Variants in SRP72 observed in about 807,000 individuals in gnomAD.
SRP72 encodes the protein signal recognition particle subunit SRP72.
Under a neutral mutation model 96.3 loss-of-function variants are expected in SRP72, and 49 were observed. The observed-to-expected ratio is 0.51, with a 90% CI of 0.40 to 0.65. SRP72 has a LOEUF of 0.65. SRP72 is among the 30% of genes least tolerant of loss of function. SRP72 has a pLI of 0.00. For synonymous variants in SRP72, 267 were observed against 275.2 expected, an observed-to-expected ratio of 0.97 and a Z score of 0.30; for missense variants, 736 against 793.3, an observed-to-expected ratio of 0.93 and a Z score of 0.87.
At chr4:56,476,942 T>C in intron 6 of SRP72, 1 of 456,170 alleles carries the variant, frequency 2.2e-6, no homozygotes, top group Non-Finnish European at 3.8e-6. Context: ...ATAATGTAAA[T>C]TTATTCCCCC....
rs1209831144 is a variant in SRP72 at position 56,478,621 on chromosome 4, T to C, written c.797T>C (p.Ile266Thr). 1.9e-6 allele frequency: 3 copies of C among 1,614,044 alleles called. No homozygotes were observed. The Admixed American group carries it at 5.0e-5, about 27-fold the overall frequency. Residue 266 changes from isoleucine to threonine, a missense_variant, in exon 8 of 19, where the codon ATT becomes ACT. Coordinates refer to ENST00000642900, the MANE Select transcript of SRP72 (RefSeq NM_006947.4). Reference sequence around the variant, plus strand: ...ACAGATGTGGGATTACTAGCTGTAATTGCAAATAACATCATTACCATTAAC... The same window carrying C: ...ACAGATGTGGGATTACTAGCTGTAACTGCAAATAACATCATTACCATTAAC... The part of the protein sequence containing the change: ...KPTDVGLLAV[I>T]ANNIITINKD...
chr4:56,496,701 C>T (rs1721081844), intron 17 of SRP72, among the ~76,000 whole-genome samples: 2 of 152,090 alleles, frequency 1.3e-5, no homozygotes, highest in Non-Finnish European at 2.9e-5. Context: ...AAAATTCATG[C>T]TCCCGGCTGG....
intron 3 of SRP72, among the ~76,000 whole-genome samples, chr4:56,472,126 T>A (rs570528908): frequency 3.5e-4 from 54 of 152,326 alleles, no homozygotes; most frequent in Middle Eastern, 3.4e-3. Context: ...ATGAAGCACA[T>A]TGAGCTTGTA....
chr4:56,492,987 A>T (rs1303159251), intron 16 of SRP72, among the ~76,000 whole-genome samples: 1 of 152,134 alleles, frequency 6.6e-6, no homozygotes, highest in Non-Finnish European at 1.5e-5. Context: ...CCCCATCTCT[A>T]AAAATAATAA....
intron 5 of SRP72, chr4:56,476,293 CA>C (rs1002606872): frequency 2.7e-4 from 56 of 210,128 alleles, no homozygotes; most frequent in Non-Finnish European, 3.6e-4. Context: ...TAAAAACAAA[CA>C]AAAAAAATAT....
chr4:56,498,315 AT>A (rs1721148696), intron 17 of SRP72, among the ~76,000 whole-genome samples: 2 of 152,184 alleles, frequency 1.3e-5, no homozygotes, highest in Non-Finnish European at 2.9e-5. Context: ...CACAGCCAAT[AT>A]CATACTGAAT....
intron 3 of SRP72, 122 bp downstream of exon 3, chr4:56,471,965 C>T (rs768793284): frequency 1.7e-6 from 2 of 1,181,874 alleles, no homozygotes; most frequent in Non-Finnish European, 1.2e-6. Flanking sequence ...ACCACCAAAC[C>T]AGTCCTTAAG....
intron 6 of SRP72, among the ~76,000 whole-genome samples, chr4:56,477,442 C>T (rs1720290747): frequency 6.6e-6 from 1 of 151,384 alleles, no homozygotes; most frequent in African/African-American, 2.4e-5. Context: ...GTAGCACCAC[C>T]ATGCCCAGCT....
intron 16 of SRP72, among the ~76,000 whole-genome samples, chr4:56,493,175 C>G (rs1720967867): frequency 1.3e-5 from 2 of 151,780 alleles, no homozygotes; most frequent in Non-Finnish European, 2.9e-5. Context: ...GTAGCTGGGA[C>G]TACAGGTGCC....
rs17086830 is a variant in SRP72 at position 56,478,853 on chromosome 4, G to C, written c.825+204G>C. 0.083 allele frequency among the ~76,000 whole-genome samples: 12,664 copies of C among 152,104 alleles called. 679 individuals are homozygous for C. The highest frequency in any genetic ancestry group is 0.27 in the East Asian group (1,397 of 5,162). On this transcript the variant is annotated intron_variant, in intron 8 of 18. Coordinates refer to ENST00000642900, the MANE Select transcript of SRP72 (RefSeq NM_006947.4). ...GTATACTCAAGTAATAAAACCTTTT[G>C]TAGTAGACCCTAGACTTTAAGATCC... is the stretch of plus-strand genomic sequence containing the variant.
At chr4:56,481,188 T>C (rs552230686) in intron 8 of SRP72, among the ~76,000 whole-genome samples, 1 of 152,320 alleles carries the variant, frequency 6.6e-6, no homozygotes, top group South Asian at 2.1e-4. Context: ...TAGTTTCAAA[T>C]TGGTTTGGAG....
intron 5 of SRP72, chr4:56,475,585 A>G (rs1720183068): frequency 6.7e-6 from 1 of 149,704 alleles, no homozygotes; most frequent in Admixed American, 6.7e-5. Flanking sequence ...AAAAAGAATT[A>G]TAATTTCCTG....
intron 18 of SRP72, 133 bp from the exon 19 acceptor site, chr4:56,501,551 G>A: frequency 1.4e-6 from 1 of 733,178 alleles, no homozygotes. Flanking sequence ...AGGGAGTTGG[G>A]GAGCTTACCT....
At chr4:56,487,868 G>A in intron 11 of SRP72, 81 bp from the exon 12 acceptor site, 1 of 1,045,304 alleles carries the variant, frequency 9.6e-7, no homozygotes, top group Non-Finnish European at 1.4e-6. Context: ...GAAAAGTAGT[G>A]GGAGGAAGTA....
intron 17 of SRP72, among the ~76,000 whole-genome samples, chr4:56,497,515 G>A (rs553353823): frequency 1.6e-4 from 25 of 152,008 alleles, no homozygotes; most frequent in Non-Finnish European, 2.4e-4. Flanking sequence ...CACTGCGCCC[G>A]GCCTGCACTT....
intron 15 of SRP72, among the ~76,000 whole-genome samples, chr4:56,491,098 G>A (rs1488920135): frequency 1.3e-5 from 2 of 152,186 alleles, no homozygotes; most frequent in Non-Finnish European, 2.9e-5. Flanking sequence ...ACTGAGGTGG[G>A]TTGGTGGATG....
At chr4:56,468,804 A>G (rs1188470278) in intron 1 of SRP72, among the ~76,000 whole-genome samples, 2 of 152,158 alleles carry the variant, frequency 1.3e-5, no homozygotes, top group Non-Finnish European at 1.5e-5. Flanking sequence ...AGTACTGTAT[A>G]CTTAGTATAG....
intron 16 of SRP72, among the ~76,000 whole-genome samples, chr4:56,493,967 G>T (rs138342105): frequency 6.6e-6 from 1 of 152,296 alleles, no homozygotes; most frequent in African/African-American, 2.4e-5. Flanking sequence ...GGAGTACACC[G>T]GAGGGAATAG....
intron 5 of SRP72, 119 bp from the exon 6 acceptor site, chr4:56,476,552 T>C: frequency 9.6e-7 from 1 of 1,037,440 alleles, no homozygotes; most frequent in Non-Finnish European, 1.5e-6. Context: ...TCACAACTGC[T>C]TGTTACTACG....
Sources: gnomAD v4.1 joint callset for allele counts (sites outside exome capture counted in the v4.1 genomes callset) on GRCh38, gnomAD v4.1.1 for gene constraint, MANE v1.5 for transcripts, NCBI Gene and HGNC (gene_info 2026-07-23, HGNC 2026-07-21) for gene names.